The following IREB2 variants were observed in gnomAD, a reference collection of about 807,000 sequenced individuals.
IREB2 encodes iron-responsive element-binding protein 2.
IREB2 carries 39 observed loss-of-function variants against 118.8 expected under a neutral mutation model. The observed-to-expected ratio is 0.33, with a 90% confidence interval of 0.25 to 0.43. The LOEUF (loss-of-function observed/expected upper bound fraction) is 0.43, where lower values mean the gene tolerates loss of function less well. Among genes scored for constraint, IREB2 ranks in the 20% least tolerant of loss-of-function variants. IREB2 has a pLI of 1.00. For missense variants in IREB2, 900 were observed against 1,147.3 expected, an observed-to-expected ratio of 0.78 and a Z score of 3.11; for synonymous variants, 372 against 392.2, an observed-to-expected ratio of 0.95 and a Z score of 0.61.
chr15:78,470,500 A>G (rs773169020), intron 5 of IREB2, 32 bp from the exon 6 acceptor site: 263 of 1,452,624 alleles, frequency 1.8e-4, no homozygotes, highest in Middle Eastern at 1.6e-3. Flanking sequence ...TTTGTAATAC[A>G]TACGTTTAAT....
rs368112039 is a variant in IREB2, at chr15:78,473,272, T to C, written c.914T>C (p.Met305Thr). Residue 305 changes from methionine to threonine, a missense_variant, in exon 8 of 22, where the codon ATG becomes ACG. Coordinates refer to ENST00000258886, the MANE Select transcript of IREB2 (RefSeq NM_004136.4). ...GVGGIETEAV[M>T]LGLPVSLTLP... is the part of the protein sequence containing the mutation. ...GGAGGCATTGAAACAGAAGCAGTTA[T>C]GCTTGGTCTGCCAGTTTCTCTTACT... The C allele has an allele frequency of 2.5e-6, 4 of 1,614,008 alleles. No homozygotes were observed. The highest frequency in any genetic ancestry group is 2.2e-5 in the East Asian group (1 of 44,886).
chr15:78,458,764 G>A (rs1244849992), intron 2 of IREB2, among the ~76,000 whole-genome samples: 1 of 152,186 alleles, frequency 6.6e-6, no homozygotes, highest in Non-Finnish European at 1.5e-5. Context: ...CGTCTCATTT[G>A]TTCACCTAGT....
chr15:78,445,037 A>G (rs1427863206), intron 2 of IREB2, among the ~76,000 whole-genome samples: 2 of 152,156 alleles, frequency 1.3e-5, no homozygotes, highest in Non-Finnish European at 2.9e-5. Context: ...CAAACTTATC[A>G]TTATATAGAA....
At chr15:78,438,034 G>A (rs1316713987), upstream of IREB2, 10 of 446,034 alleles carry the variant, frequency 2.2e-5, no homozygotes, top group South Asian at 1.7e-4. Context: ...CCCCACTGGA[G>A]CCTCCCCAGC....
intron 15 of IREB2, 41 bp from the exon 16 acceptor site, chr15:78,488,606 T>G (rs780639429): frequency 1.3e-6 from 2 of 1,559,922 alleles, no homozygotes; most frequent in East Asian, 4.6e-5. Flanking sequence ...ATTTTCAGAG[T>G]TATTTTTTTA....
chr15:78,485,791 A>AC lies in IREB2; in HGVS notation c.1661dup (p.His555ThrfsTer14). The AC allele has an allele frequency of 6.2e-7, 1 of 1,613,894 alleles. No homozygotes were observed. Among genetic ancestry groups the AC allele is most frequent in the Non-Finnish European group, 8.5e-7 (1 of 1,179,772 alleles). On this transcript the variant is annotated frameshift_variant, in exon 13 of 22. Coordinates refer to ENST00000258886, the MANE Select transcript of IREB2 (RefSeq NM_004136.4). LOFTEE classifies it high-confidence loss of function. ...TTTATCTCCAGGCAGTGGGATGGTT[A>AC]CACATTACCTCAGTTCAAGTGGAGT...
At chr15:78,448,552 C>G (rs1326663611) in intron 2 of IREB2, among the ~76,000 whole-genome samples, 1 of 152,188 alleles carries the variant, frequency 6.6e-6, no homozygotes, top group Non-Finnish European at 1.5e-5. Flanking sequence ...TATTGGAAAT[C>G]AGCCCTATCC....
At position 78,485,756 on chromosome 15, in the gene IREB2, T is replaced by C; in HGVS notation, c.1625T>C (p.Ile542Thr). The C allele has an allele frequency of 6.2e-7, 1 of 1,614,034 alleles. No homozygotes were observed. Among genetic ancestry groups the C allele is most frequent in the Non-Finnish European group, 8.5e-7 (1 of 1,179,906 alleles). ...GCTGGTCTGCGTGTTAAACCTTATA[T>C]AAGAACAAGTTTATCTCCAGGCAGT... is the stretch of plus-strand genomic sequence containing the variant. ...VEAGLRVKPY[I>T]RTSLSPGSGM... The change falls in exon 13 of 22, where the codon ATA becomes ACA. Residue 542 changes from isoleucine (I) to threonine (T), a missense_variant. Transcript: ENST00000258886.
intron 7 of IREB2, among the ~76,000 whole-genome samples, chr15:78,472,527 C>T (rs891610968): frequency 2.0e-5 from 3 of 152,092 alleles, no homozygotes; most frequent in Non-Finnish European, 4.4e-5. Context: ...CCACCACGCC[C>T]AGCTAATTTT....
intron 2 of IREB2, among the ~76,000 whole-genome samples, chr15:78,462,447 A>T (rs1353402973): frequency 6.6e-6 from 1 of 152,236 alleles, no homozygotes; most frequent in East Asian, 1.9e-4. Flanking sequence ...AATTTTACTC[A>T]CTCAGGCATT....
At chr15:78,492,563 T>C (rs971425723) in intron 18 of IREB2, among the ~76,000 whole-genome samples, 1 of 151,610 alleles carries the variant, frequency 6.6e-6, no homozygotes, top group East Asian at 1.9e-4. Context: ...AGTTTGTCAT[T>C]TGTTTGTTTG....
chr15:78,460,044 T>C (rs1397288481), intron 2 of IREB2, among the ~76,000 whole-genome samples: 1 of 152,236 alleles, frequency 6.6e-6, no homozygotes, highest in East Asian at 1.9e-4. Flanking sequence ...AGTTGGAACA[T>C]GTAGTTTTTT....
At position 78,462,912 on chromosome 15, in the gene IREB2, C is replaced by A; in HGVS notation, c.107-10C>A. 1 of 1,564,490 alleles carries A rather than the reference C, an allele frequency of 6.4e-7. No homozygotes were observed. The highest frequency in any genetic ancestry group is 8.6e-7 in the Non-Finnish European group (1 of 1,159,534). On this transcript the variant is annotated splice_polypyrimidine_tract_variant and intron_variant, in intron 2 of 21. Transcript: ENST00000258886. ...GTTTGCTTATTAATAGTAATATTTT[C>A]TTGAATCAGATGTTCTGCCTTACTC...
intron 14 of IREB2, 138 bp downstream of exon 14, chr15:78,487,955 T>A: frequency 1.5e-6 from 1 of 667,436 alleles, no homozygotes; most frequent in Non-Finnish European, 2.5e-6. Flanking sequence ...TGTGAATCTT[T>A]AAATGATTCA....
intron 5 of IREB2, 74 bp from the exon 6 acceptor site, chr15:78,470,458 C>T (rs1167792126): frequency 3.4e-6 from 3 of 872,550 alleles, no homozygotes; most frequent in East Asian, 2.5e-5. Context: ...TGCCTAAGAA[C>T]GATGACTTAG....
intron 2 of IREB2, among the ~76,000 whole-genome samples, chr15:78,462,254 A>G (rs1006079511): frequency 2.0e-5 from 3 of 152,214 alleles, no homozygotes; most frequent in Admixed American, 6.5e-5. Flanking sequence ...TGTGTGGATT[A>G]CAGTGATTTA....
chr15:78,450,490 C>G (rs960778557), intron 2 of IREB2, among the ~76,000 whole-genome samples: 12 of 152,282 alleles, frequency 7.9e-5, no homozygotes, highest in African/African-American at 2.9e-4. Context: ...TCTGGAGTTG[C>G]TGGGTAGGCA....
Position 78,498,581 on chromosome 15 carries a change from CA to C in IREB2, c.*439del, listed in dbSNP as rs1445207314. 2 of 153,150 alleles carry C rather than the reference CA, an allele frequency of 1.3e-5. No homozygotes were observed. Among genetic ancestry groups the C allele is most frequent in the Non-Finnish European group, 2.9e-5 (2 of 68,502 alleles). 9.5% of individuals were successfully genotyped at this position (153,150 alleles called of 1,614,324 possible). A position where few individuals can be genotyped will look rare whatever the true frequency, so the allele number is the denominator to read the frequency against. ...CCAGATTAGACTCTAAAATTGTGGCCATTGGAATCTCATTTATAAATGGACC... is the reference window on the plus strand; with the variant it reads ...CCAGATTAGACTCTAAAATTGTGGCCTTGGAATCTCATTTATAAATGGACC... On this transcript the variant is annotated 3_prime_UTR_variant, in exon 22 of 22. Transcript: ENST00000258886.
chr15:78,499,732 A>ATGTGT lies in IREB2; in HGVS notation c.*1591_*1595dup, dbSNP rs2051907174. 6.6e-6 allele frequency: 1 copy of ATGTGT among 152,236 alleles called. No homozygotes were observed. Among genetic ancestry groups the ATGTGT allele is most frequent in the Non-Finnish European group, 1.5e-5 (1 of 68,042 alleles). 9.4% of individuals were successfully genotyped at this position (152,236 alleles called of 1,614,324 possible). ...ATGCTGTATATTTATTTGTTAGTGC[A>ATGTGT]TGTGTTTTTAATTTACATGAAAACA... On this transcript the variant is annotated 3_prime_UTR_variant, in exon 22 of 22. Transcript: ENST00000258886.
Sources: gnomAD v4.1 joint callset for allele counts (sites outside exome capture counted in the v4.1 genomes callset) on GRCh38, gnomAD v4.1.1 for gene constraint, MANE v1.5 for transcripts, NCBI Gene and HGNC (gene_info 2026-07-23, HGNC 2026-07-21) for gene names.